CDK13: variants seen among roughly 807,000 people sequenced by gnomAD.
CDK13 encodes the protein cyclin dependent kinase 13.
A neutral mutation model predicts 137.6 loss-of-function variants in CDK13; 40 were observed. The ratio of observed to expected loss-of-function variants is 0.29; its 90% CI spans 0.23 to 0.38. The LOEUF (loss-of-function observed/expected upper bound fraction) is 0.38, where lower values mean the gene tolerates loss of function less well. Ranked by LOEUF, CDK13 falls within the 10% of genes least tolerant of loss-of-function variation. The probability of loss-of-function intolerance (pLI) is 1.00; values close to 1 mark genes in which losing one functional copy is unlikely to be tolerated. For missense variants in CDK13, 1,704 were observed against 1,951.8 expected (o/e 0.87, Z 2.39); for synonymous variants, 869 against 760.1 (o/e 1.14, Z -2.36).
intron 5 of CDK13, among the ~76,000 whole-genome samples, chr7:40,029,854 A>G (rs1313796406): frequency 6.6e-6 from 1 of 152,046 alleles, no homozygotes; most frequent in African/African-American, 2.4e-5. Flanking sequence ...GAGTTTCACT[A>G]TGCTGGCCAG....
intron 5 of CDK13, among the ~76,000 whole-genome samples, chr7:40,008,187 T>A (rs1784831036): frequency 6.6e-6 from 1 of 152,236 alleles, no homozygotes; most frequent in African/African-American, 2.4e-5. Context: ...AGATCTGGGC[T>A]GGCCAGTGCA....
At chr7:39,965,112 T>C (rs1583915759) in intron 1 of CDK13, among the ~76,000 whole-genome samples, 1 of 152,266 alleles carries the variant, frequency 6.6e-6, no homozygotes, top group African/African-American at 2.4e-5. Context: ...TGATTTGGGG[T>C]GGAGAGTTCT....
rs1168004044 is a variant in CDK13, at chr7:40,099,077, A to C, written c.*4097A>C. 1 of 151,654 alleles carries C rather than the reference A, an allele frequency of 6.6e-6. No individual in the cohort carries two copies. Among genetic ancestry groups the C allele is most frequent in the Non-Finnish European group, 1.5e-5 (1 of 67,870 alleles). 9.4% of individuals were successfully genotyped at this position (151,654 alleles called of 1,614,324 possible). On this transcript the variant is annotated 3_prime_UTR_variant, in exon 14 of 14. Coordinates refer to ENST00000181839, the MANE Select transcript of CDK13 (RefSeq NM_003718.5). The stretch of plus-strand genomic sequence containing the variant: ...TTGATTTGGAACTTTAAAAAAAAAA[A>C]CAACAAAAAAATACTTTCAGGGTTT...
rs570860164 is a variant in CDK13 at position 39,961,091 on chromosome 7, G to T, written c.1211+9239G>T. 5.9e-5 allele frequency among the ~76,000 whole-genome samples: 9 copies of T among 151,770 alleles called. No individual in the cohort carries two copies. The South Asian group carries it at 1.7e-3, about 28-fold the overall frequency. On this transcript the variant is annotated intron_variant, in intron 1 of 13. Transcript: ENST00000181839. Reference sequence around the variant, plus strand: ...CTCTACTCTTTGGCTGGGCACAGTGGCTCACGCCTGTAATCCCAGCACTTT... The same window carrying T: ...CTCTACTCTTTGGCTGGGCACAGTGTCTCACGCCTGTAATCCCAGCACTTT...
At chr7:39,954,760 C>T (rs926697473) in intron 1 of CDK13, among the ~76,000 whole-genome samples, 1 of 152,068 alleles carries the variant, frequency 6.6e-6, no homozygotes, top group African/African-American at 2.4e-5. Flanking sequence ...GTATTGAAAT[C>T]GTGGTATGAA....
At chr7:40,012,690 G>A (rs1784920317) in intron 5 of CDK13, among the ~76,000 whole-genome samples, 1 of 152,002 alleles carries the variant, frequency 6.6e-6, no homozygotes, top group African/African-American at 2.4e-5. Context: ...TGAGGTGGGC[G>A]GATCACCTGA....
At chr7:40,029,894 C>T (rs1018946418) in intron 5 of CDK13, among the ~76,000 whole-genome samples, 30 of 152,186 alleles carry the variant, frequency 2.0e-4, no homozygotes, top group African/African-American at 5.1e-4. Flanking sequence ...CGTTGTGATA[C>T]GCCTGCCTTG....
At chr7:40,046,381 C>G (rs906583776) in intron 6 of CDK13, among the ~76,000 whole-genome samples, 3 of 152,142 alleles carry the variant, frequency 2.0e-5, no homozygotes, top group African/African-American at 7.2e-5. Flanking sequence ...CAGTGGCTCA[C>G]GCCTGTAATC....
intron 2 of CDK13, among the ~76,000 whole-genome samples, chr7:39,989,614 C>G (rs1287898019): frequency 6.6e-6 from 1 of 152,010 alleles, no homozygotes; most frequent in Non-Finnish European, 1.5e-5. Context: ...AATTATACTA[C>G]TATAATTGTT....
intron 5 of CDK13, among the ~76,000 whole-genome samples, chr7:40,033,235 C>T (rs528646060): frequency 2.0e-4 from 31 of 152,224 alleles, no homozygotes; most frequent in Non-Finnish European, 3.5e-4. Flanking sequence ...GGATTACAGG[C>T]ATGAGCCACC....
chr7:40,076,801 A>G (rs1336548523), intron 9 of CDK13, among the ~76,000 whole-genome samples: 4 of 152,224 alleles, frequency 2.6e-5, no homozygotes, highest in African/African-American at 9.6e-5. Context: ...TTGTTCATAT[A>G]CATTTATACA....
intron 2 of CDK13, among the ~76,000 whole-genome samples, chr7:39,992,183 T>C (rs972240901): frequency 1.3e-5 from 2 of 151,638 alleles, no homozygotes; most frequent in South Asian, 2.1e-4. Flanking sequence ...TGTGTGTGTG[T>C]GTGTGTGTGT....
At chr7:39,979,423 T>C (rs1278785925) in intron 1 of CDK13, among the ~76,000 whole-genome samples, 1 of 151,998 alleles carries the variant, frequency 6.6e-6, no homozygotes, top group Admixed American at 6.6e-5. Flanking sequence ...TCCATGTTGG[T>C]CAGGTTGGTC....
intron 1 of CDK13, among the ~76,000 whole-genome samples, chr7:39,970,577 C>T (rs1783976874): frequency 6.6e-6 from 1 of 151,946 alleles, no homozygotes; most frequent in Non-Finnish European, 1.5e-5. Context: ...TCTCTTGCCT[C>T]AGCCTCCCCA....
intron 9 of CDK13, chr7:40,073,549 C>CTTTTCTTTCTTTTTCT (rs577268913): frequency 1.3e-5 from 2 of 149,794 alleles, no homozygotes; most frequent in African/African-American, 2.5e-5. Context: ...TGTAATAAAG[C>CTTTTCTTTCTTTTTCT]TTTTCTTTCT....
At chr7:40,042,212 G>T (rs1785622182) in intron 5 of CDK13, among the ~76,000 whole-genome samples, 1 of 151,876 alleles carries the variant, frequency 6.6e-6, no homozygotes, top group Non-Finnish European at 1.5e-5. Flanking sequence ...CCGAGTAGCT[G>T]GGATTACAGG....
chr7:39,975,013 G>A (rs1784076781), intron 1 of CDK13, among the ~76,000 whole-genome samples: 2 of 152,182 alleles, frequency 1.3e-5, no homozygotes, highest in South Asian at 4.2e-4. Context: ...CGTCATAAAT[G>A]GCTAGTTTTA....
intron 5 of CDK13, among the ~76,000 whole-genome samples, chr7:40,026,458 A>G (rs1785245465): frequency 6.7e-6 from 1 of 149,808 alleles, no homozygotes; most frequent in Non-Finnish European, 1.5e-5. Context: ...GGCTTTAGTG[A>G]GCTGCGATTG....
chr7:40,012,926 A>G (rs1487499157), intron 5 of CDK13, among the ~76,000 whole-genome samples: 2 of 152,004 alleles, frequency 1.3e-5, no homozygotes, highest in East Asian at 3.9e-4. Flanking sequence ...AAAAAAAAAA[A>G]AAGGGAAACA....
Sources: gnomAD v4.1 joint callset for allele counts (sites outside exome capture counted in the v4.1 genomes callset) on GRCh38, gnomAD v4.1.1 for gene constraint, MANE v1.5 for transcripts, NCBI Gene and HGNC (gene_info 2026-07-23, HGNC 2026-07-21) for gene names.